Variants in ANKS4B observed in about 807,000 individuals in gnomAD.
The protein encoded by ANKS4B is ankyrin repeat and sterile alpha motif domain containing 4B.
A neutral mutation model predicts 20.2 loss-of-function variants in ANKS4B; 21 were observed. The observed-to-expected ratio is 1.04, with a 90% CI of 0.74 to 1.50. The LOEUF (loss-of-function observed/expected upper bound fraction) is 1.50, where lower values mean the gene tolerates loss of function less well. ANKS4B is among the 40% of genes most tolerant of loss of function. ANKS4B has a pLI of 0.00. For missense variants in ANKS4B, 473 were observed against 494.6 expected (o/e 0.96, Z 0.41); for synonymous variants, 179 against 194.5 (o/e 0.92, Z 0.66).
chr16:21,244,219 G>C (rs571870023), intron 1 of ANKS4B, among the ~76,000 whole-genome samples: 4 of 152,004 alleles, frequency 2.6e-5, no homozygotes, highest in Non-Finnish European at 2.9e-5. Flanking sequence ...ACAATGAGAA[G>C]ACATGGACAC....
At position 21,249,283 on chromosome 16, in the gene ANKS4B, C is replaced by T. The variant is rs190988043; in HGVS notation, c.165-448C>T. Among the ~76,000 whole-genome samples the T allele has an allele frequency of 7.2e-5, 11 of 152,232 alleles. No individual in the cohort carries two copies. In the East Asian group the frequency reaches 1.7e-3, roughly 24 times the overall value. On this transcript the variant is annotated intron_variant, in intron 1 of 1. Transcript: ENST00000311620. The stretch of plus-strand genomic sequence containing the variant: ...CAGATGGCTTGAGGCCAGGAGTTTG[C>T]GACCAGCCTGGGCAACATGGTGAAA...
intron 1 of ANKS4B, among the ~76,000 whole-genome samples, chr16:21,243,033 A>G (rs770402547): frequency 3.3e-5 from 5 of 152,132 alleles, no homozygotes; most frequent in Non-Finnish European, 7.3e-5. Context: ...TATTGTTTCA[A>G]TTTGCATTTC....
At chr16:21,236,919 C>T (rs535028019) in intron 1 of ANKS4B, among the ~76,000 whole-genome samples, 1 of 152,300 alleles carries the variant, frequency 6.6e-6, no homozygotes, top group Middle Eastern at 3.4e-3. Flanking sequence ...CTCTAGTCAA[C>T]AAATACATTT....
At chr16:21,233,954 G>C (rs1479914768) in intron 1 of ANKS4B, 53 bp downstream of exon 1, 4 of 1,515,228 alleles carry the variant, frequency 2.6e-6, no homozygotes, top group Non-Finnish European at 3.6e-6. Context: ...GTAGGTTTTT[G>C]CAGACAGCAG....
chr16:21,241,489 C>T (rs941801742), intron 1 of ANKS4B, among the ~76,000 whole-genome samples: 2 of 152,184 alleles, frequency 1.3e-5, no homozygotes, highest in African/African-American at 4.8e-5. Context: ...TCTCAGTTCA[C>T]TGCACCCTCA....
chr16:21,234,187 C>T (rs2093317329), intron 1 of ANKS4B, among the ~76,000 whole-genome samples: 1 of 152,052 alleles, frequency 6.6e-6, no homozygotes, highest in East Asian at 1.9e-4. Context: ...AATTCTATGC[C>T]TTTAAAAATG....
chr16:21,253,408 T>C lies in ANKS4B; in HGVS notation c.*2588T>C, dbSNP rs755571951. ...GATGATTGTTTACAAATACCTTATCTTGTGGAATAAACTGAAGTTGTGCTT... is the reference window on the plus strand; with the variant it reads ...GATGATTGTTTACAAATACCTTATCCTGTGGAATAAACTGAAGTTGTGCTT... On this transcript the variant is annotated 3_prime_UTR_variant, in exon 2 of 2. Transcript: ENST00000311620. 6 of 152,212 alleles carry C rather than the reference T, an allele frequency of 3.9e-5. No individual in the cohort carries two copies. Among genetic ancestry groups the C allele is most frequent in the African/African-American group, 1.2e-4 (5 of 41,450 alleles). The allele number at this position is 152,212 out of a possible 1,614,324, so 9.4% of individuals were successfully genotyped here. A position where few individuals can be genotyped will look rare whatever the true frequency, so the allele number is the denominator to read the frequency against.
intron 1 of ANKS4B, among the ~76,000 whole-genome samples, chr16:21,234,111 A>C (rs2093317231): frequency 2.0e-5 from 3 of 152,206 alleles, no homozygotes; most frequent in Admixed American, 2.0e-4. Context: ...CTCATCCCTT[A>C]GCCACAATCA....
Position 21,250,960 on chromosome 16 carries a change from C to T in ANKS4B, c.*140C>T. On this transcript the variant is annotated 3_prime_UTR_variant, in exon 2 of 2. Transcript: ENST00000311620. The stretch of plus-strand genomic sequence containing the variant: ...GAAATGCCTACCTGAGAGAGAGACC[C>T]AAACTTTACTCTGGGAGGTAGGCTA... 8.2e-7 allele frequency: 1 copy of T among 1,224,844 alleles called. No individual in the cohort carries two copies. Among genetic ancestry groups the T allele is most frequent in the Non-Finnish European group, 1.1e-6 (1 of 898,104 alleles). The allele number at this position is 1,224,844 out of a possible 1,614,324, so 75.9% of individuals were successfully genotyped here.
chr16:21,247,288 C>A (rs1318047483), intron 1 of ANKS4B, among the ~76,000 whole-genome samples: 3 of 152,152 alleles, frequency 2.0e-5, no homozygotes, highest in Non-Finnish European at 2.9e-5. Context: ...TGATCTTGAA[C>A]TCCTGACCTT....
chr16:21,239,181 T>C (rs1160146834), intron 1 of ANKS4B, among the ~76,000 whole-genome samples: 3 of 152,164 alleles, frequency 2.0e-5, no homozygotes, highest in African/African-American at 4.8e-5. Context: ...AGTTCAACCA[T>C]TGTGGAAAGC....
chr16:21,234,483 TACACACACACACACACACAC>T (rs34242527), intron 1 of ANKS4B, among the ~76,000 whole-genome samples: 2 of 124,636 alleles, frequency 1.6e-5, no homozygotes, highest in Admixed American at 7.8e-5. Flanking sequence ...AGTGGATAGA[TACACACACACACACACACAC>T]ACACACACAC....
chr16:21,249,668 T>C (rs1020973702), intron 1 of ANKS4B, 63 bp from the exon 2 acceptor site: 4 of 1,511,592 alleles, frequency 2.6e-6, no homozygotes, highest in Admixed American at 2.2e-5. Flanking sequence ...TTTTGATTTT[T>C]TTGGGCCTGC....
At chr16:21,243,202 G>A (rs943479321) in intron 1 of ANKS4B, among the ~76,000 whole-genome samples, 23 of 152,132 alleles carry the variant, frequency 1.5e-4, no homozygotes, top group African/African-American at 5.6e-4. Context: ...TGACAGTAGT[G>A]CTAAGCCAGC....
At chr16:21,239,146 T>C (rs1019747939) in intron 1 of ANKS4B, among the ~76,000 whole-genome samples, 2 of 152,216 alleles carry the variant, frequency 1.3e-5, no homozygotes, top group Non-Finnish European at 2.9e-5. Context: ...CGAACACTTA[T>C]ACACTGTTGG....
At position 21,251,069 on chromosome 16, in the gene ANKS4B, T is replaced by A; in HGVS notation, c.*249T>A. The A allele has an allele frequency of 2.2e-6, 1 of 446,180 alleles. No individual in the cohort carries two copies. Among genetic ancestry groups the A allele is most frequent in the Non-Finnish European group, 3.9e-6 (1 of 254,172 alleles). The allele number at this position is 446,180 out of a possible 1,614,324, so 27.6% of individuals were successfully genotyped here. On this transcript the variant is annotated 3_prime_UTR_variant, in exon 2 of 2. Coordinates refer to ENST00000311620, the MANE Select transcript of ANKS4B (RefSeq NM_145865.3). The stretch of plus-strand genomic sequence containing the variant: ...CATTTCTCTTCAGTTATCTTATATG[T>A]ACATATAATTGTTTTTGTGGTTGTT...
In ANKS4B at chr16:21,250,568, T is replaced by C; in HGVS notation, c.1002T>C (p.Asp334=). The C allele has an allele frequency of 1.9e-6, 3 of 1,614,096 alleles. No individual in the cohort carries two copies. Among genetic ancestry groups the C allele is most frequent in the Non-Finnish European group, 2.5e-6 (3 of 1,180,002 alleles). ...GLKDDLPWDD[D]EVEWEEDVVD... The stretch of plus-strand genomic sequence containing the variant: ...AAGATGATCTGCCGTGGGATGACGA[T>C]GAAGTGGAGTGGGAGGAAGATGTGG... The change falls in exon 2 of 2, where the codon GAT becomes GAC. Residue 334 remains aspartate, a synonymous_variant. Coordinates refer to ENST00000311620, the MANE Select transcript of ANKS4B (RefSeq NM_145865.3).
intron 1 of ANKS4B, among the ~76,000 whole-genome samples, chr16:21,240,310 T>C (rs1487002328): frequency 2.0e-5 from 3 of 152,024 alleles, no homozygotes; most frequent in Non-Finnish European, 2.9e-5. Flanking sequence ...TTTTTTGTGA[T>C]GGAGTCTCGC....
rs1401164046 is a variant in ANKS4B at position 21,250,280 on chromosome 16, G to A, written c.714G>A (p.Glu238=). 1 of 1,614,184 alleles carries A rather than the reference G, an allele frequency of 6.2e-7. No homozygotes were observed. The highest frequency in any genetic ancestry group is 2.2e-5 in the East Asian group (1 of 44,888). ...TGATGGAAGTGTTCAGAGAGGAAGAGGAAGACTCGTTCTCAGGGGACTTCA... is the reference window on the plus strand; with the variant it reads ...TGATGGAAGTGTTCAGAGAGGAAGAAGAAGACTCGTTCTCAGGGGACTTCA... The part of the protein sequence containing the change: ...RNVMEVFREE[E]EDSFSGDFKE... Residue 238 remains glutamate, a synonymous_variant, in exon 2 of 2, where the codon GAG becomes GAA. Coordinates refer to ENST00000311620, the MANE Select transcript of ANKS4B (RefSeq NM_145865.3).
Sources: gnomAD v4.1 joint callset for allele counts (sites outside exome capture counted in the v4.1 genomes callset) on GRCh38, gnomAD v4.1.1 for gene constraint, MANE v1.5 for transcripts, NCBI Gene and HGNC (gene_info 2026-07-23, HGNC 2026-07-21) for gene names.